Variants in METTL15 observed in about 807,000 individuals in gnomAD.
The protein encoded by METTL15 is methyltransferase 15, mitochondrial 12S rRNA N4-cytidine.
METTL15 carries 34 observed loss-of-function variants against 38.3 expected under a neutral mutation model. The ratio of observed to expected loss-of-function variants is 0.89; its 90% CI spans 0.68 to 1.18. The LOEUF (loss-of-function observed/expected upper bound fraction) is 1.18, where lower values mean the gene tolerates loss of function less well. Among genes scored for constraint, METTL15 ranks in the 50% most tolerant of loss-of-function variants. The pLI, the probability that METTL15 is intolerant of heterozygous loss-of-function variation, is 0.00. For synonymous variants in METTL15, 162 were observed against 170.9 expected (o/e 0.95, Z 0.41); for missense variants, 438 against 498.4 (o/e 0.88, Z 1.15).
At chr11:28,229,264 A>T (rs1853595736) in intron 4 of METTL15, among the ~76,000 whole-genome samples, 1 of 151,888 alleles carries the variant, frequency 6.6e-6, no homozygotes, top group Non-Finnish European at 1.5e-5. Context: ...CAAGATGATG[A>T]TTGGCAGTTA....
At position 28,296,842 on chromosome 11, in the gene METTL15, A is replaced by C; in HGVS notation, c.689A>C (p.Lys230Thr). The change falls in exon 6 of 7, where the codon AAG becomes ACG. Residue 230 changes from lysine (K) to threonine (T), a missense_variant. Transcript: ENST00000407364. The stretch of plus-strand genomic sequence containing the variant: ...ATCCTAAGAACATACGGGGAGGAGA[A>C]GCATGCCAAGAAAATCGCTTCAGCA... ...ASILRTYGEEKHAKKIASAIV... is the reference protein window; with the variant it reads ...ASILRTYGEETHAKKIASAIV... 6.2e-7 allele frequency: 1 copy of C among 1,613,612 alleles called. No individual in the cohort carries two copies. Among genetic ancestry groups the C allele is most frequent in the South Asian group, 1.1e-5 (1 of 91,076 alleles).
chr11:28,154,183 C>T (rs1365639401), intron 3 of METTL15, among the ~76,000 whole-genome samples: 1 of 152,114 alleles, frequency 6.6e-6, no homozygotes, highest in African/African-American at 2.4e-5. Flanking sequence ...TGGTTAACAA[C>T]ACAGGCTGTG....
At chr11:28,390,026 T>C (rs1370871482) in intron 5 of METTL15, among the ~76,000 whole-genome samples, 8 of 151,712 alleles carry the variant, frequency 5.3e-5, no homozygotes, top group South Asian at 2.1e-4. Flanking sequence ...TGCATAAATG[T>C]CTTCTTTTGA....
chr11:28,439,757 A>T (rs1384530848), intron 6 of METTL15, among the ~76,000 whole-genome samples: 2 of 152,154 alleles, frequency 1.3e-5, no homozygotes, highest in Non-Finnish European at 2.9e-5. Flanking sequence ...AGGACTGTGG[A>T]CATACCGAGG....
chr11:28,234,982 A>G (rs1303104286), intron 4 of METTL15, among the ~76,000 whole-genome samples: 2 of 151,300 alleles, frequency 1.3e-5, no homozygotes, highest in Non-Finnish European at 1.5e-5. Flanking sequence ...TAATTTTTGT[A>G]TAAGATGTAA....
chr11:28,120,097 G>A lies in METTL15; in HGVS notation c.270+6493G>A, dbSNP rs574477988. On this transcript the variant is annotated intron_variant, in intron 3 of 6. Transcript: ENST00000407364. ...CTCCTGAGTAGCTGGAACTACAGGC[G>A]CCTGCCACCACATCCAGCTAATTTT... 1.1e-4 allele frequency among the ~76,000 whole-genome samples: 17 copies of A among 152,008 alleles called. No individual in the cohort carries two copies. In the South Asian group the frequency reaches 3.3e-3, roughly 30 times the overall value.
chr11:28,295,611 A>AT (rs1158367029), intron 5 of METTL15, among the ~76,000 whole-genome samples: 1 of 151,994 alleles, frequency 6.6e-6, no homozygotes, highest in African/African-American at 2.4e-5. Context: ...AAAAAAAAAA[A>AT]AATAATAATC....
Position 28,459,978 on chromosome 11 carries a change from G to A in METTL15, c.*424+35614G>A, listed in dbSNP as rs114569953. Among the ~76,000 whole-genome samples, 381 of 152,152 alleles carry A rather than the reference G, an allele frequency of 2.5e-3. 5 individuals are homozygous for A. The highest frequency in any genetic ancestry group is 0.01 in the Middle Eastern group (3 of 292). On this transcript the variant is annotated intron_variant and NMD_transcript_variant, in intron 6 of 7. Transcript: ENST00000532947. ...TGAATGAAATTCTCTCTAGTACTGT[G>A]AGGCCCATTTATTTATGTGTTTTTG...
chr11:28,214,041 A>T (rs1372971594), intron 4 of METTL15, among the ~76,000 whole-genome samples: 1 of 151,806 alleles, frequency 6.6e-6, no homozygotes, highest in East Asian at 1.9e-4. Flanking sequence ...TGATTTTAAT[A>T]CCCATCTTTT....
chr11:28,415,983 A>G (rs1212005491), intron 5 of METTL15, among the ~76,000 whole-genome samples: 6 of 152,234 alleles, frequency 3.9e-5, no homozygotes, highest in African/African-American at 1.4e-4. Flanking sequence ...ATATGTCTAA[A>G]TACTTAAAAG....
chr11:28,298,966 G>A (rs949397390), intron 6 of METTL15, among the ~76,000 whole-genome samples: 1 of 152,088 alleles, frequency 6.6e-6, no homozygotes, highest in African/African-American at 2.4e-5. Context: ...TACAACCTCT[G>A]TGTTTACAAA....
chr11:28,342,977 TG>T (rs1164970168), intron 3 of METTL15, among the ~76,000 whole-genome samples: 1 of 152,164 alleles, frequency 6.6e-6, no homozygotes, highest in Non-Finnish European at 1.5e-5. Flanking sequence ...TCCTACACAG[TG>T]CTGATTGGTA....
intron 6 of METTL15, among the ~76,000 whole-genome samples, chr11:28,515,612 A>G (rs1318749523): frequency 6.6e-6 from 1 of 152,256 alleles, no homozygotes; most frequent in Admixed American, 6.5e-5. Flanking sequence ...TGCCATGCCT[A>G]CTTTGCACTA....
intron 3 of METTL15, among the ~76,000 whole-genome samples, chr11:28,193,340 A>C (rs903763029): frequency 6.6e-6 from 1 of 152,112 alleles, no homozygotes; most frequent in Non-Finnish European, 1.5e-5. Flanking sequence ...GGAAACTTAC[A>C]GTCATAGCAG....
chr11:28,291,586 G>A (rs957305693), intron 5 of METTL15, among the ~76,000 whole-genome samples: 2 of 151,808 alleles, frequency 1.3e-5, no homozygotes, highest in Non-Finnish European at 2.9e-5. Flanking sequence ...GTAGTTGTTG[G>A]GACTCTGTTG....
At chr11:28,271,125 A>G (rs968078872) in intron 4 of METTL15, among the ~76,000 whole-genome samples, 2 of 152,174 alleles carry the variant, frequency 1.3e-5, no homozygotes, top group African/African-American at 4.8e-5. Flanking sequence ...TTTTGTCATT[A>G]TTAAACAGGC....
intron 3 of METTL15, among the ~76,000 whole-genome samples, chr11:28,350,683 A>G (rs1264587377): frequency 1.3e-5 from 2 of 152,186 alleles, no homozygotes; most frequent in African/African-American, 4.8e-5. Context: ...TTTGTACTGC[A>G]GTTAGCACAT....
chr11:28,379,386 A>G (rs1431303765), intron 5 of METTL15, among the ~76,000 whole-genome samples: 1 of 152,050 alleles, frequency 6.6e-6, no homozygotes, highest in East Asian at 1.9e-4. Flanking sequence ...GCTGTATCCC[A>G]TAGATTTTGG....
chr11:28,202,543 T>C (rs1852156263), intron 3 of METTL15, among the ~76,000 whole-genome samples: 1 of 152,062 alleles, frequency 6.6e-6, no homozygotes, highest in African/African-American at 2.4e-5. Context: ...TTATCATCTC[T>C]TCTACACTGA....
Sources: allele counts gnomAD v4.1 joint callset (sites outside exome capture counted in the v4.1 genomes callset), GRCh38; gene constraint gnomAD v4.1.1; transcripts MANE v1.5; gene names NCBI Gene and HGNC (gene_info 2026-07-23, HGNC 2026-07-21).